UPK1A: variants seen among roughly 807,000 people sequenced by gnomAD.
UPK1A encodes the protein uroplakin-1a.
UPK1A carries 31 observed loss-of-function variants against 32.3 expected under a neutral mutation model. That is an observed-to-expected ratio of 0.96 (90% confidence interval 0.72 to 1.30). UPK1A has a LOEUF of 1.30. Among genes scored for constraint, UPK1A ranks in the 50% most tolerant of loss-of-function variants. The pLI is 0.00. For missense variants in UPK1A, 340 were observed against 357.4 expected (o/e 0.95, Z 0.39); for synonymous variants, 135 against 137.1 (o/e 0.98, Z 0.11).
chr19:35,673,531 C>A (rs1374365627), exon 5 of UPK1A: 3 of 1,613,328 alleles, frequency 1.9e-6, no homozygotes, highest in Non-Finnish European at 2.5e-6. Flanking sequence ...CCTCTGGGAC[C>A]GCGTCATGAT....
chr19:35,666,850 C>G (rs768744929), exon 2 of UPK1A: 1 of 1,614,120 alleles, frequency 6.2e-7, no homozygotes, highest in Admixed American at 1.7e-5. Context: ...GAGAAGGGAT[C>G]TCCAGTTGTG....
chr19:35,673,108 T>C (rs1030816844), intron 3 of UPK1A, 124 bp from the exon 4 acceptor site: 18 of 821,682 alleles, frequency 2.2e-5, no homozygotes, highest in Admixed American at 2.2e-4. Context: ...CCACATATTA[T>C]AGATGCTGCT....
intron 3 of UPK1A, among the ~76,000 whole-genome samples, chr19:35,671,386 C>CA (rs370178140): frequency 0.17 from 15,154 of 88,566 alleles, 1,413 homozygotes; most frequent in Middle Eastern, 0.3. Context: ...GACTCTGTCT[C>CA]AAAAAAAAAA....
chr19:35,667,517 A>G (rs1167196251), intron 2 of UPK1A, among the ~76,000 whole-genome samples: 4 of 149,210 alleles, frequency 2.7e-5, no homozygotes, highest in Admixed American at 2.0e-4. Flanking sequence ...TTTTTCAGAC[A>G]GATTCTCCCT....
chr19:35,673,668 T>A, intron 5 of UPK1A, 123 bp downstream of exon 5: 4 of 801,458 alleles, frequency 5.0e-6, no homozygotes, highest in Non-Finnish European at 5.9e-6. Flanking sequence ...ATGAGATCTC[T>A]AGGAGAGCAG....
rs201219777 is a variant in UPK1A at position 35,675,913 on chromosome 19, A to G, written c.542A>G (p.Glu181Gly). The change falls in exon 6 of 8, where the codon GAG becomes GGG. Residue 181 changes from glutamate to glycine, a missense_variant. Coordinates refer to ENST00000617999, the Ensembl canonical transcript of UPK1A. ...TCAGCCTTCCGGGCGGCCACTCCGG[A>G]GGTGGTGTTCCCCTGGCCCCCACTG... 2.2e-5 allele frequency: 35 copies of G among 1,613,934 alleles called. No individual in the cohort carries two copies. The East Asian group carries it at 7.6e-4, about 35-fold the overall frequency.
At chr19:35,668,817 C>T in intron 3 of UPK1A, 163 bp downstream of exon 3, 1 of 824,382 alleles carries the variant, frequency 1.2e-6, no homozygotes, top group South Asian at 1.9e-5. Flanking sequence ...GCCCAATAAC[C>T]CAGGCTTGAG....
intron 3 of UPK1A, among the ~76,000 whole-genome samples, chr19:35,671,020 T>C (rs930735597): frequency 6.6e-6 from 1 of 151,884 alleles, no homozygotes; most frequent in Admixed American, 6.6e-5. Flanking sequence ...TGCCCTCTTA[T>C]TTTCTTATCC....
rs554988888 is a variant in UPK1A, at chr19:35,673,665, C to A, written c.468+120C>A. 227 of 831,560 alleles carry A rather than the reference C, an allele frequency of 2.7e-4. 4 individuals carry two copies. In the East Asian group the frequency reaches 5.8e-3, roughly 21 times the overall value. The allele number at this position is 831,560 out of a possible 1,614,324, so 51.5% of individuals were successfully genotyped here. A position where few individuals can be genotyped will look rare whatever the true frequency, so the allele number is the denominator to read the frequency against. ...CCTTAAAGACATCCGCTCATGAGAT[C>A]TCTAGGAGAGCAGGGCTGCGGTCAT... On this transcript the variant is annotated intron_variant, in intron 5 of 7. Coordinates refer to ENST00000617999, the Ensembl canonical transcript of UPK1A.
intron 3 of UPK1A, among the ~76,000 whole-genome samples, chr19:35,671,614 C>T (rs758283315): frequency 2.7e-5 from 4 of 148,414 alleles, no homozygotes; most frequent in African/African-American, 7.4e-5. Flanking sequence ...CCTGCCACCA[C>T]GCCTGGTTAA....
intron 6 of UPK1A, among the ~76,000 whole-genome samples, chr19:35,677,549 C>A (rs1968200457): frequency 6.6e-6 from 1 of 150,788 alleles, no homozygotes; most frequent in Non-Finnish European, 1.5e-5. Context: ...AAAAAAAAGC[C>A]AGCTGTAAGA....
intron 6 of UPK1A, among the ~76,000 whole-genome samples, chr19:35,676,852 T>C (rs1968189376): frequency 6.6e-6 from 1 of 151,596 alleles, no homozygotes; most frequent in African/African-American, 2.4e-5. Flanking sequence ...TGAGCCGAGA[T>C]TGTGCCACTG....
chr19:35,666,964 G>A, intron 2 of UPK1A, 68 bp downstream of exon 2: 1 of 1,534,994 alleles, frequency 6.5e-7, no homozygotes, highest in Non-Finnish European at 9.0e-7. Context: ...CTGAGCTCGG[G>A]GTGGGGGATG....
intron 2 of UPK1A, 64 bp downstream of exon 2, chr19:35,666,960 T>C (rs1358331438): frequency 6.6e-7 from 1 of 1,526,282 alleles, no homozygotes; most frequent in Non-Finnish European, 9.1e-7. Flanking sequence ...AGTCCTGAGC[T>C]CGGGGTGGGG....
chr19:35,677,324 G>A (rs544656050), intron 6 of UPK1A, among the ~76,000 whole-genome samples: 13 of 151,296 alleles, frequency 8.6e-5, no homozygotes, highest in Non-Finnish European at 1.8e-4. Context: ...TCAGGAGTTC[G>A]AGACCAGCCT....
At chr19:35,670,196 C>A (rs1442443205) in intron 3 of UPK1A, among the ~76,000 whole-genome samples, 1 of 152,078 alleles carries the variant, frequency 6.6e-6, no homozygotes, top group Non-Finnish European at 1.5e-5. Flanking sequence ...GGCCAGGAGT[C>A]CAAAGCAGCT....
chr19:35,675,761 C>T, intron 5 of UPK1A, 79 bp from the exon 6 acceptor site: 4 of 1,501,348 alleles, frequency 2.7e-6, no homozygotes, highest in Non-Finnish European at 3.6e-6. Flanking sequence ...CAATCCTGCC[C>T]CTCCTTGCTG....
intron 5 of UPK1A, among the ~76,000 whole-genome samples, 174 bp from the exon 6 acceptor site, chr19:35,675,666 C>T (rs368837037): frequency 1.3e-5 from 2 of 152,186 alleles, no homozygotes; most frequent in African/African-American, 2.4e-5. Context: ...TTGTCTGCAC[C>T]GTGCTCACAC....
intron 3 of UPK1A, among the ~76,000 whole-genome samples, chr19:35,669,414 C>T (rs1968051334): frequency 6.6e-6 from 1 of 151,622 alleles, no homozygotes; most frequent in Non-Finnish European, 1.5e-5. Flanking sequence ...CCTGTAATCC[C>T]AGCACGTGGG....
Sources: allele counts gnomAD v4.1 joint callset (sites outside exome capture counted in the v4.1 genomes callset), GRCh38; gene constraint gnomAD v4.1.1; transcripts MANE v1.5; gene names NCBI Gene and HGNC (gene_info 2026-07-23, HGNC 2026-07-21).